The following RBM34 variants were observed in gnomAD, a reference collection of about 807,000 sequenced individuals.
RBM34 encodes the protein RNA-binding protein 34.
RBM34 carries 39 observed loss-of-function variants against 44.6 expected under a neutral mutation model. That is an observed-to-expected ratio of 0.87 (90% CI 0.68 to 1.14). The LOEUF (loss-of-function observed/expected upper bound fraction) is 1.14, where lower values mean the gene tolerates loss of function less well. RBM34 is among the 50% of genes most tolerant of loss of function. RBM34 has a pLI of 0.00. For missense variants in RBM34, 572 were observed against 517.9 expected (o/e 1.10, Z -1.01); for synonymous variants, 194 against 184.0 (o/e 1.05, Z -0.44).
At chr1:235,158,963 TAAAA>T (rs143616969) in intron 3 of RBM34, among the ~76,000 whole-genome samples, 1 of 125,526 alleles carries the variant, frequency 8.0e-6, no homozygotes, top group Admixed American at 8.1e-5. Flanking sequence ...ATTTTTTTAC[TAAAA>T]AAAAAAAAAA....
chr1:235,140,528 C>T (rs568669149), intron 6 of RBM34, among the ~76,000 whole-genome samples: 1 of 152,354 alleles, frequency 6.6e-6, no homozygotes, highest in South Asian at 2.1e-4. Flanking sequence ...GCTGCCTTCC[C>T]GCAGGGCAGG....
intron 6 of RBM34, among the ~76,000 whole-genome samples, chr1:235,142,512 C>G (rs1372853683): frequency 6.6e-6 from 1 of 151,732 alleles, no homozygotes; most frequent in East Asian, 2.0e-4. Context: ...ATCCTGACCT[C>G]AGGTGATCCG....
At chr1:235,149,133 A>G (rs572387387) in intron 5 of RBM34, among the ~76,000 whole-genome samples, 1 of 151,808 alleles carries the variant, frequency 6.6e-6, no homozygotes, top group Non-Finnish European at 1.5e-5. Context: ...TCACACCTGT[A>G]ATCCCAGCAC....
intron 10 of RBM34, among the ~76,000 whole-genome samples, 164 bp downstream of exon 10, chr1:235,135,488 C>T (rs1027611617): frequency 1.3e-5 from 2 of 152,150 alleles, no homozygotes; most frequent in Non-Finnish European, 1.5e-5. Context: ...CTCGGCCTCC[C>T]AAAGTGCTGG....
At chr1:235,152,543 G>C (rs1662208924) in intron 5 of RBM34, 163 bp downstream of exon 5, 3 of 1,367,408 alleles carry the variant, frequency 2.2e-6, no homozygotes, top group Non-Finnish European at 2.8e-6. Flanking sequence ...AAGTTCAAGA[G>C]TCAGCAGTAG....
intron 6 of RBM34, among the ~76,000 whole-genome samples, chr1:235,143,664 G>C (rs1661780553): frequency 6.6e-6 from 1 of 152,094 alleles, no homozygotes. Context: ...CTTGAACCCG[G>C]GAGGTAGAGG....
chr1:235,159,864 C>T (rs1408805172), intron 3 of RBM34, among the ~76,000 whole-genome samples: 2 of 92,018 alleles, frequency 2.2e-5, no homozygotes, highest in African/African-American at 1.1e-4. Flanking sequence ...AGCAAAACTC[C>T]GTCTCAAAAA....
chr1:235,147,396 G>A (rs1391549993), intron 6 of RBM34, among the ~76,000 whole-genome samples: 1 of 152,170 alleles, frequency 6.6e-6, no homozygotes, highest in Non-Finnish European at 1.5e-5. Flanking sequence ...TTCAAATTTA[G>A]GCTCCTGGGT....
At chr1:235,139,111 G>A (rs1456967756) in intron 6 of RBM34, among the ~76,000 whole-genome samples, 1 of 152,170 alleles carries the variant, frequency 6.6e-6, no homozygotes, top group Non-Finnish European at 1.5e-5. Context: ...TAAGTCACTA[G>A]GTTTGCAAAA....
At chr1:235,142,542 G>A (rs375939197) in intron 6 of RBM34, among the ~76,000 whole-genome samples, 1 of 151,904 alleles carries the variant, frequency 6.6e-6, no homozygotes, top group Non-Finnish European at 1.5e-5. Context: ...ACCTCCCAAA[G>A]TAATGGATTA....
intron 10 of RBM34, among the ~76,000 whole-genome samples, chr1:235,135,315 A>G (rs1237563280): frequency 7.0e-6 from 1 of 142,840 alleles, no homozygotes; most frequent in African/African-American, 2.6e-5. Context: ...TGCAACCTCC[A>G]CCTCCCGGGT....
intron 5 of RBM34, among the ~76,000 whole-genome samples, chr1:235,149,074 A>G (rs1662039273): frequency 6.6e-6 from 1 of 151,988 alleles, no homozygotes; most frequent in African/African-American, 2.4e-5. Context: ...AGAGACACCG[A>G]CGATGAAAGA....
At position 235,137,938 on chromosome 1, in the gene RBM34, T is replaced by C; in HGVS notation, c.788A>G (p.Asn263Ser). ...ESAATQALKRNGAQIADGFRI... is the reference protein window; with the variant it reads ...ESAATQALKRSGAQIADGFRI... The stretch of plus-strand genomic sequence containing the variant: ...AAATCCATCTGCAATCTGGGCCCCA[T>C]TTCTGTATTATAAATACAAAGGGAA... Residue 263 changes from asparagine (N) to serine (S), a missense_variant and splice_region_variant, in exon 8 of 11, where the codon AAT becomes AGT. By Grantham distance (46) the Asn-to-Ser change is conservative. Transcript: ENST00000408888. The C allele has an allele frequency of 2.5e-6, 4 of 1,602,728 alleles. No homozygotes were observed. Among genetic ancestry groups the C allele is most frequent in the Non-Finnish European group, 3.4e-6 (4 of 1,171,296 alleles).
At chr1:235,153,587 G>C (rs1353178175) in intron 4 of RBM34, among the ~76,000 whole-genome samples, 1 of 152,056 alleles carries the variant, frequency 6.6e-6, no homozygotes, top group Non-Finnish European at 1.5e-5. Flanking sequence ...ACCACACCCA[G>C]CTAATTTTTG....
chr1:235,137,738 G>A (rs1558137957), intron 8 of RBM34, 139 bp downstream of exon 8: 10 of 601,992 alleles, frequency 1.7e-5, no homozygotes, highest in East Asian at 1.1e-4. Context: ...CATCAACTCT[G>A]TAACCACAGA....
chr1:235,150,847 C>T (rs1173953663), intron 5 of RBM34, among the ~76,000 whole-genome samples: 1 of 152,106 alleles, frequency 6.6e-6, no homozygotes, highest in Non-Finnish European at 1.5e-5. Flanking sequence ...CAGGGACACA[C>T]TGGTAGCCTA....
intron 10 of RBM34, among the ~76,000 whole-genome samples, chr1:235,133,592 G>T (rs1213016045): frequency 6.6e-6 from 1 of 152,180 alleles, no homozygotes; most frequent in African/African-American, 2.4e-5. Context: ...GTTACTGAGA[G>T]AAGAAAAATT....
At chr1:235,153,708 G>T (rs1662270808) in intron 4 of RBM34, among the ~76,000 whole-genome samples, 1 of 152,144 alleles carries the variant, frequency 6.6e-6, no homozygotes, top group African/African-American at 2.4e-5. Context: ...TTACAGGTGT[G>T]GGCCACCACG....
intron 8 of RBM34, among the ~76,000 whole-genome samples, chr1:235,136,744 T>C (rs1244339677): frequency 6.6e-6 from 1 of 152,214 alleles, no homozygotes; most frequent in African/African-American, 2.4e-5. Context: ...ATTTTTAGAA[T>C]AGCTCCTGAA....
Sources: gnomAD v4.1 joint callset for allele counts (sites outside exome capture counted in the v4.1 genomes callset) on GRCh38, gnomAD v4.1.1 for gene constraint, MANE v1.5 for transcripts, NCBI Gene and HGNC (gene_info 2026-07-23, HGNC 2026-07-21) for gene names.